NRG1: variants seen among roughly 807,000 people sequenced by gnomAD.
NRG1 encodes pro-neuregulin-1, membrane-bound isoform.
NRG1 carries 18 observed loss-of-function variants against 63.8 expected under a neutral mutation model. The ratio of observed to expected loss-of-function variants is 0.28; its 90% CI spans 0.19 to 0.42. NRG1 has a LOEUF of 0.42. Among genes scored for constraint, NRG1 ranks in the 10% least tolerant of loss-of-function variants. The pLI is 1.00. For synonymous variants in NRG1, 302 were observed against 301.3 expected (o/e 1.00, Z -0.02); for missense variants, 762 against 814.7 (o/e 0.94, Z 0.79).
chr8:32,313,601 A>C (rs1043360108), intron 1 of NRG1, among the ~76,000 whole-genome samples: 1 of 152,220 alleles, frequency 6.6e-6, no homozygotes. Flanking sequence ...GGTCCCAGGG[A>C]CCACTTCAAG....
intron 1 of NRG1, among the ~76,000 whole-genome samples, chr8:32,388,678 A>G (rs1714697676): frequency 6.6e-6 from 1 of 151,852 alleles, no homozygotes; most frequent in African/African-American, 2.4e-5. Context: ...GTCTCAAAAA[A>G]TGCTTTATTT....
At chr8:32,628,764 G>T (rs560182321) in intron 5 of NRG1, among the ~76,000 whole-genome samples, 1 of 139,956 alleles carries the variant, frequency 7.1e-6, no homozygotes, top group Non-Finnish European at 1.5e-5. Flanking sequence ...ATGAAGTCTC[G>T]CTCTGTCACC....
intron 1 of NRG1, among the ~76,000 whole-genome samples, chr8:32,022,430 A>G (rs1230599025): frequency 6.6e-6 from 1 of 152,166 alleles, no homozygotes; most frequent in Non-Finnish European, 1.5e-5. Context: ...ATTTTACATG[A>G]GCCACACATG....
chr8:31,740,272 A>C (rs1324976379), intron 1 of NRG1, among the ~76,000 whole-genome samples: 1 of 152,070 alleles, frequency 6.6e-6, no homozygotes, highest in African/African-American at 2.4e-5. Flanking sequence ...AATTAAAGGT[A>C]TATTCTTCAT....
intron 1 of NRG1, among the ~76,000 whole-genome samples, chr8:32,422,178 G>C (rs1015826472): frequency 2.6e-5 from 4 of 152,012 alleles, no homozygotes; most frequent in African/African-American, 9.7e-5. Flanking sequence ...TTTTAAAGTA[G>C]AAAGAGGGAA....
intron 1 of NRG1, among the ~76,000 whole-genome samples, chr8:32,536,038 G>A (rs971491567): frequency 1.3e-5 from 2 of 152,122 alleles, no homozygotes; most frequent in Non-Finnish European, 2.9e-5. Flanking sequence ...CTGCAACATC[G>A]TACAATTGCC....
chr8:32,073,316 A>G (rs1037585248), intron 1 of NRG1, among the ~76,000 whole-genome samples: 2 of 152,196 alleles, frequency 1.3e-5, no homozygotes, highest in Admixed American at 1.3e-4. Flanking sequence ...AATAAGGGGA[A>G]GTTGGAACCG....
chr8:31,809,371 C>CGTATATATGT (rs1563427960), intron 1 of NRG1, among the ~76,000 whole-genome samples: 1 of 139,568 alleles, frequency 7.2e-6, no homozygotes, highest in South Asian at 2.3e-4. Context: ...TATATATACA[C>CGTATATATGT]GTATATATAC....
intron 1 of NRG1, chr8:32,440,800 A>G (rs886181882): frequency 4.6e-5 from 7 of 152,188 alleles, no homozygotes; most frequent in South Asian, 2.1e-4. Context: ...TCTTTGTATT[A>G]TATGGTATTA....
Position 32,607,958 on chromosome 8 carries a change from T to C in NRG1, c.400+2275T>C, listed in dbSNP as rs1432979552. ...CCTTCTTTTTATTCTCTTCTTGGAA[T>C]GTTAGGAATAGATCATCCTTATCCA... On this transcript the variant is annotated intron_variant, in intron 3 of 11. Transcript: ENST00000356819. 2.0e-5 allele frequency among the ~76,000 whole-genome samples: 3 copies of C among 152,112 alleles called. No homozygotes were observed. In the East Asian group the frequency reaches 5.8e-4, roughly 29 times the overall value.
At chr8:31,674,472 T>G (rs369658524) in intron 1 of NRG1, among the ~76,000 whole-genome samples, 1 of 152,314 alleles carries the variant, frequency 6.6e-6, no homozygotes, top group African/African-American at 2.4e-5. Flanking sequence ...TGAGTTACCT[T>G]TTTACTTTCT....
At chr8:32,209,108 T>G (rs1044912217) in intron 1 of NRG1, among the ~76,000 whole-genome samples, 1 of 152,180 alleles carries the variant, frequency 6.6e-6, no homozygotes, top group African/African-American at 2.4e-5. Context: ...TTTCCTCATC[T>G]GAAATATAAG....
At chr8:31,695,043 C>T (rs1809913376) in intron 1 of NRG1, among the ~76,000 whole-genome samples, 1 of 152,124 alleles carries the variant, frequency 6.6e-6, no homozygotes, top group African/African-American at 2.4e-5. Flanking sequence ...GCAGGCTGTA[C>T]AGGAAGCATG....
intron 1 of NRG1, among the ~76,000 whole-genome samples, chr8:31,846,582 G>GT (rs1826709550): frequency 6.6e-6 from 1 of 152,198 alleles, no homozygotes; most frequent in Non-Finnish European, 1.5e-5. Flanking sequence ...GTTTTGGACT[G>GT]TAAGTGCTCA....
At chr8:32,408,854 C>T (rs1814478866) in intron 1 of NRG1, among the ~76,000 whole-genome samples, 1 of 151,964 alleles carries the variant, frequency 6.6e-6, no homozygotes, top group Admixed American at 6.6e-5. Context: ...GTACCTTGTA[C>T]CTATTACGTA....
rs556736890 is a variant in NRG1 at position 32,668,123 on chromosome 8, G to T, written c.502+51238G>T. Among the ~76,000 whole-genome samples, 98 of 151,736 alleles carry T rather than the reference G, an allele frequency of 6.5e-4. 1 individual carries two copies. Among genetic ancestry groups the T allele is most frequent in the African/African-American group, 2.3e-3 (94 of 41,318 alleles). On this transcript the variant is annotated intron_variant, in intron 5 of 11. Coordinates refer to ENST00000356819, the Ensembl canonical transcript of NRG1. ...AGCTACTTGAGAGGCTGAGGCAGGA[G>T]AATCACTTGAACCTGGGAGGTGGAG...
chr8:32,761,619 C>G (rs192074117), intron 11 of NRG1, among the ~76,000 whole-genome samples: 3 of 125,332 alleles, frequency 2.4e-5, no homozygotes, highest in Non-Finnish European at 5.3e-5. Flanking sequence ...TTATTGTCAT[C>G]TTAGTCTAAT....
chr8:31,642,439 A>AGGG (rs1803886641), intron 1 of NRG1, among the ~76,000 whole-genome samples: 1 of 152,226 alleles, frequency 6.6e-6, no homozygotes, highest in African/African-American at 2.4e-5. Flanking sequence ...CAATTGTGTT[A>AGGG]GTTATACCTT....
At chr8:32,446,997 C>CA (rs1563476592) in intron 1 of NRG1, among the ~76,000 whole-genome samples, 1 of 24,960 alleles carries the variant, frequency 4.0e-5, no homozygotes, top group Non-Finnish European at 8.2e-5. Flanking sequence ...AACTAAAATA[C>CA]TTTTTATTTA....
Sources: allele counts gnomAD v4.1 joint callset (sites outside exome capture counted in the v4.1 genomes callset), GRCh38; gene constraint gnomAD v4.1.1; transcripts MANE v1.5; gene names NCBI Gene and HGNC (gene_info 2026-07-23, HGNC 2026-07-21).